Variants in ANK2 observed in about 807,000 individuals in gnomAD.
ANK2 encodes ankyrin 2, also known as ankyrin-2.
A neutral mutation model predicts 360.5 loss-of-function variants in ANK2; 83 were observed. The observed-to-expected ratio is 0.23, with a 90% CI of 0.19 to 0.28. ANK2 has a LOEUF of 0.28. Ranked by LOEUF, ANK2 falls within the 10% of genes least tolerant of loss-of-function variation. The pLI is 1.00. For missense variants in ANK2, 4,201 were observed against 4,795.7 expected (o/e 0.88, Z 3.66); for synonymous variants, 1,740 against 1,759.5 (o/e 0.99, Z 0.28).
chr4:113,028,577 G>C (rs918442205), intron 2 of ANK2, among the ~76,000 whole-genome samples: 1 of 152,214 alleles, frequency 6.6e-6, no homozygotes, highest in South Asian at 2.1e-4. Context: ...GTGGAACAAA[G>C]GAGTAAAAGC....
At chr4:112,865,985 A>G (rs1386934132) in intron 1 of ANK2, among the ~76,000 whole-genome samples, 2 of 152,248 alleles carry the variant, frequency 1.3e-5, no homozygotes, top group Non-Finnish European at 2.9e-5. Context: ...ACACACACAC[A>G]CACAGCCTTA....
chr4:113,363,404 CTCT>C lies in ANK2; in HGVS notation c.10826_10828del (p.Leu3609del). ...CAAATTCGAATTGAAAATCCCAACT[CTCT>C]TCAAGACCAGAGTCATGCACTGTTG... is the stretch of plus-strand genomic sequence containing the variant. On this transcript the variant is annotated inframe_deletion, in exon 40 of 46. Transcript: ENST00000357077. 6.2e-7 allele frequency: 1 copy of C among 1,613,576 alleles called. No homozygotes were observed. The highest frequency in any genetic ancestry group is 1.1e-5 in the South Asian group (1 of 91,080).
intron 1 of ANK2, among the ~76,000 whole-genome samples, chr4:113,098,931 G>A (rs6851877): frequency 0.34 from 50,790 of 151,558 alleles, 8,795 homozygotes; most frequent in Non-Finnish European, 0.39. Context: ...GGTAGAAAAA[G>A]CATTAGACAA....
chr4:112,938,328 A>G (rs1434996384), intron 2 of ANK2, among the ~76,000 whole-genome samples: 1 of 152,184 alleles, frequency 6.6e-6, no homozygotes, highest in African/African-American at 2.4e-5. Context: ...ACATCTCTAG[A>G]TTCCTTCTCC....
chr4:113,216,476 T>C (rs1321079256), intron 4 of ANK2, among the ~76,000 whole-genome samples: 1 of 152,250 alleles, frequency 6.6e-6, no homozygotes, highest in Non-Finnish European at 1.5e-5. Flanking sequence ...AAAAGAAAGA[T>C]AAGGAGGTAA....
At chr4:113,283,286 A>C (rs1167275283) in intron 18 of ANK2, among the ~76,000 whole-genome samples, 1 of 152,138 alleles carries the variant, frequency 6.6e-6, no homozygotes, top group Admixed American at 6.5e-5. Flanking sequence ...GTTTAGCTTA[A>C]ACAACTGCCT....
At chr4:113,011,984 A>C in intron 2 of ANK2, among the ~76,000 whole-genome samples, 1 of 152,126 alleles carries the variant, frequency 6.6e-6, no homozygotes, top group East Asian at 1.9e-4. Flanking sequence ...TATTATTCTC[A>C]TAATACCATG....
intron 1 of ANK2, among the ~76,000 whole-genome samples, chr4:113,050,858 A>G (rs959996871): frequency 3.3e-5 from 5 of 152,242 alleles, no homozygotes; most frequent in African/African-American, 1.2e-4. Context: ...CTAGATGTCT[A>G]GTGTACTAAA....
chr4:113,322,139 T>A (rs1355860687), intron 26 of ANK2, among the ~76,000 whole-genome samples: 1 of 152,218 alleles, frequency 6.6e-6, no homozygotes, highest in African/African-American at 2.4e-5. Context: ...GATTTTACAT[T>A]AATAGAAGAC....
intron 39 of ANK2, among the ~76,000 whole-genome samples, chr4:113,362,041 T>C (rs1179972788): frequency 3.3e-5 from 5 of 152,234 alleles, no homozygotes; most frequent in Non-Finnish European, 7.3e-5. Flanking sequence ...AGTGCCTATA[T>C]TTATGCCTGT....
chr4:113,353,609 A>G lies in ANK2; in HGVS notation c.4991A>G (p.Lys1664Arg). ...QLQTVQDKAG[K>R]KCEALAVGRS... Reference sequence around the variant, plus strand: ...CAGACAGTTCAAGATAAGGCAGGGAAGAAATGTGAGGCTCTGGCTGTTGGC... The same window carrying G: ...CAGACAGTTCAAGATAAGGCAGGGAGGAAATGTGAGGCTCTGGCTGTTGGC... The change falls in exon 38 of 46, where the codon AAG becomes AGG. Residue 1664 changes from lysine to arginine, a missense_variant. Coordinates refer to ENST00000357077, the MANE Select transcript of ANK2 (RefSeq NM_001148.6). 6.2e-7 allele frequency: 1 copy of G among 1,614,100 alleles called. No individual in the cohort carries two copies. The highest frequency in any genetic ancestry group is 8.5e-7 in the Non-Finnish European group (1 of 1,179,980).
intron 2 of ANK2, among the ~76,000 whole-genome samples, chr4:112,942,223 CAATT>C (rs754588026): frequency 1.8e-4 from 27 of 151,976 alleles, no homozygotes; most frequent in Non-Finnish European, 2.8e-4. Flanking sequence ...ACTGATACTG[CAATT>C]AATTAATTAT....
chr4:113,103,943 C>G (rs1268318295), intron 1 of ANK2, among the ~76,000 whole-genome samples: 2 of 152,134 alleles, frequency 1.3e-5, no homozygotes, highest in Admixed American at 1.3e-4. Flanking sequence ...CCCTTTTCCT[C>G]CATGCCTTTG....
At chr4:112,866,863 G>A (rs549544640) in intron 1 of ANK2, among the ~76,000 whole-genome samples, 1 of 152,054 alleles carries the variant, frequency 6.6e-6, no homozygotes, top group Non-Finnish European at 1.5e-5. Context: ...TGATGTATTA[G>A]TCTTACTCTG....
At chr4:112,929,914 AG>A (rs915490445) in intron 2 of ANK2, among the ~76,000 whole-genome samples, 2 of 152,216 alleles carry the variant, frequency 1.3e-5, no homozygotes, top group African/African-American at 4.8e-5. Context: ...TCCTATGCCC[AG>A]GTTACGAGTA....
At chr4:113,177,943 T>C (rs1346612181) in intron 2 of ANK2, among the ~76,000 whole-genome samples, 1 of 152,226 alleles carries the variant, frequency 6.6e-6, no homozygotes, top group East Asian at 1.9e-4. Flanking sequence ...TAAGTTAAAT[T>C]ATGAAATGTA....
At chr4:113,076,639 T>A (rs1426771978) in intron 1 of ANK2, among the ~76,000 whole-genome samples, 1 of 151,670 alleles carries the variant, frequency 6.6e-6, no homozygotes, top group Non-Finnish European at 1.5e-5. Context: ...CTGTAAAAAA[T>A]ACAAAAATTA....
Position 113,354,193 on chromosome 4 carries a change from C to A in ANK2, c.5575C>A (p.Pro1859Thr), listed in dbSNP as rs781312863. Residue 1859 changes from proline (P) to threonine (T), a missense_variant, in exon 38 of 46, where the codon CCC becomes ACC. This residue lies in a region of ANK2 where 2,642 missense variants were observed against 2,714.5 expected (regional missense o/e 0.97). Coordinates refer to ENST00000357077, the MANE Select transcript of ANK2 (RefSeq NM_001148.6). ...AACTGAGAAACACTCACCTGTGTCACCCTCTGCAAAAACGGAAAGACATTC... is the reference window on the plus strand; with the variant it reads ...AACTGAGAAACACTCACCTGTGTCAACCTCTGCAAAAACGGAAAGACATTC... The part of the protein sequence containing the change: ...SKTEKHSPVS[P>T]SAKTERHSPA... 1.1e-5 allele frequency: 17 copies of A among 1,614,016 alleles called. No homozygotes were observed. The highest frequency in any genetic ancestry group is 1.4e-5 in the Non-Finnish European group (17 of 1,179,938).
At chr4:112,954,617 G>T (rs1023639147) in intron 2 of ANK2, among the ~76,000 whole-genome samples, 4 of 152,076 alleles carry the variant, frequency 2.6e-5, no homozygotes, top group African/African-American at 7.2e-5. Flanking sequence ...TTTCTTAATA[G>T]ATTTAATTTT....
Sources: gnomAD v4.1 joint callset for allele counts (sites outside exome capture counted in the v4.1 genomes callset) on GRCh38, gnomAD v4.1.1 for gene constraint, gnomAD v4.1.1 regional missense constraint, MANE v1.5 for transcripts, NCBI Gene and HGNC (gene_info 2026-07-23, HGNC 2026-07-21) for gene names.